The following AGK variants were observed in gnomAD, a reference collection of about 807,000 sequenced individuals.
AGK encodes the protein acylglycerol kinase, mitochondrial.
A neutral mutation model predicts 66.4 loss-of-function variants in AGK; 52 were observed. The ratio of observed to expected loss-of-function variants is 0.78; its 90% confidence interval spans 0.63 to 0.99. AGK has a LOEUF of 0.99. AGK is among the 50% of genes least tolerant of loss of function. The pLI is 0.00. For synonymous variants in AGK, 182 were observed against 181.1 expected (o/e 1.00, Z -0.04); for missense variants, 451 against 506.6 (o/e 0.89, Z 1.05).
intron 13 of AGK, among the ~76,000 whole-genome samples, chr7:141,643,697 G>A (rs1437781591): frequency 2.0e-5 from 3 of 152,112 alleles, no homozygotes; most frequent in African/African-American, 4.8e-5. Flanking sequence ...TTTACTACAT[G>A]TGAGGCACCT....
In AGK at chr7:141,599,259, T is replaced by C. The variant is rs536640667; in HGVS notation, c.222-1946T>C. 6 of 152,266 alleles carry C rather than the reference T, an allele frequency of 3.9e-5. No individual in the cohort carries two copies. The South Asian group carries it at 1.2e-3, about 32-fold the overall frequency. 9.4% of individuals were successfully genotyped at this position (152,266 alleles called of 1,614,324 possible). ...AAAACTACATAAGAGCTTTAAGAAA[T>C]AAGATAACTGTGTGTTTAGCATTAA... On this transcript the variant is annotated intron_variant, in intron 4 of 15. Coordinates refer to ENST00000649286, the MANE Select transcript of AGK (RefSeq NM_018238.4).
chr7:141,637,727 TG>T (rs1407514987), intron 11 of AGK, among the ~76,000 whole-genome samples: 2 of 152,218 alleles, frequency 1.3e-5, no homozygotes, highest in Admixed American at 1.3e-4. Context: ...GTGAGAAGGT[TG>T]GTTCCAATGT....
intron 2 of AGK, among the ~76,000 whole-genome samples, chr7:141,564,898 T>C (rs115157058): frequency 0.034 from 5,149 of 152,124 alleles, 136 homozygotes; most frequent in South Asian, 0.14. Context: ...CCTGGCTAAT[T>C]TTGTATTTAG....
intron 2 of AGK, among the ~76,000 whole-genome samples, chr7:141,578,008 AT>A (rs1462007463): frequency 6.6e-6 from 1 of 151,618 alleles, no homozygotes; most frequent in Non-Finnish European, 1.5e-5. Context: ...TAGAGATGGG[AT>A]TTCACTATGT....
chr7:141,645,392 A>T (rs1797388357), intron 13 of AGK, among the ~76,000 whole-genome samples: 1 of 152,208 alleles, frequency 6.6e-6, no homozygotes, highest in South Asian at 2.1e-4. Context: ...TGAATCAGCA[A>T]CCTAATTAAA....
chr7:141,640,321 G>A (rs147104371), intron 11 of AGK, among the ~76,000 whole-genome samples: 1,742 of 152,200 alleles, frequency 0.011, 18 homozygotes, highest in Non-Finnish European at 0.018. Flanking sequence ...AGCAGTGACC[G>A]TTTGAGACAA....
chr7:141,592,512 A>C (rs1444603677), intron 2 of AGK, among the ~76,000 whole-genome samples: 3 of 152,144 alleles, frequency 2.0e-5, no homozygotes, highest in Non-Finnish European at 4.4e-5. Flanking sequence ...CCTAAGTTGA[A>C]TCATGTCTGT....
At chr7:141,612,094 A>G (rs2116957117) in intron 6 of AGK, among the ~76,000 whole-genome samples, 1 of 152,378 alleles carries the variant, frequency 6.6e-6, no homozygotes, top group Non-Finnish European at 1.5e-5. Context: ...TAGTAGGTGA[A>G]TGAATAAGTA....
At chr7:141,623,450 A>G (rs1796870371) in intron 9 of AGK, among the ~76,000 whole-genome samples, 1 of 151,876 alleles carries the variant, frequency 6.6e-6, no homozygotes, top group African/African-American at 2.4e-5. Flanking sequence ...GCTGATAGGG[A>G]GAAAGTTTTT....
At chr7:141,602,173 T>TTG (rs71172608) in intron 5 of AGK, among the ~76,000 whole-genome samples, 14,804 of 125,270 alleles carry the variant, frequency 0.12, 1,001 homozygotes, top group African/African-American at 0.18. Flanking sequence ...GGAGATTTTC[T>TTG]TGTGTGTGTG....
rs1022569649 is a variant in AGK, at chr7:141,615,555, A to G, written c.508A>G (p.Asn170Asp). ...LSHTLFAESG[N>D]KVQHITDATL... ...TCATACCCTCTTTGCCGAAAGTGGA[A>G]ACAAAGTCCAGTAGGTTGTCAATGT... is the stretch of plus-strand genomic sequence containing the variant. The change falls in exon 8 of 16, where the codon AAC becomes GAC. Residue 170 changes from asparagine to aspartate, a missense_variant. Coordinates refer to ENST00000649286, the MANE Select transcript of AGK (RefSeq NM_018238.4). The G allele has an allele frequency of 8.1e-6, 13 of 1,613,186 alleles. No homozygotes were observed. Among genetic ancestry groups the G allele is most frequent in the Non-Finnish European group, 1.1e-5 (13 of 1,179,282 alleles).
chr7:141,575,058 C>T (rs987784459), intron 2 of AGK, among the ~76,000 whole-genome samples: 4 of 152,242 alleles, frequency 2.6e-5, no homozygotes, highest in African/African-American at 7.2e-5. Flanking sequence ...TTCCTAAACC[C>T]ACTTGCAGGG....
chr7:141,560,611 C>T (rs1296751495), intron 2 of AGK, among the ~76,000 whole-genome samples: 2 of 151,864 alleles, frequency 1.3e-5, no homozygotes, highest in Non-Finnish European at 2.9e-5. Flanking sequence ...TATTCCTCAC[C>T]CCACTCCCAC....
intron 2 of AGK, among the ~76,000 whole-genome samples, chr7:141,560,627 C>T (rs1333808005): frequency 6.6e-6 from 1 of 151,898 alleles, no homozygotes; most frequent in Non-Finnish European, 1.5e-5. Flanking sequence ...CCCACCTTTC[C>T]CCCTGAGTCC....
At position 141,653,835 on chromosome 7, in the gene AGK, C is replaced by CAAAGT. The variant is rs1358621813; in HGVS notation, c.*913_*917dup. The CAAAGT allele has an allele frequency of 6.6e-6, 1 of 152,158 alleles. No individual in the cohort carries two copies. The highest frequency in any genetic ancestry group is 2.4e-5 in the African/African-American group (1 of 41,434). The allele number at this position is 152,158 out of a possible 1,614,324, so 9.4% of individuals were successfully genotyped here. A position where few individuals can be genotyped will look rare whatever the true frequency, so the allele number is the denominator to read the frequency against. ...TTTTCATGGGAAGTTAAATAGTTGA[C>CAAAGT]AAAGTATGTATTTGCTGGTGTCGTG... On this transcript the variant is annotated 3_prime_UTR_variant, in exon 16 of 16. Transcript: ENST00000649286.
chr7:141,608,636 C>A (rs1421195316), intron 5 of AGK, among the ~76,000 whole-genome samples: 1 of 152,080 alleles, frequency 6.6e-6, no homozygotes, highest in Admixed American at 6.5e-5. Flanking sequence ...GGGGGACCCT[C>A]AATGAAATGT....
intron 2 of AGK, among the ~76,000 whole-genome samples, chr7:141,589,685 C>T (rs891284365): frequency 1.3e-5 from 2 of 152,120 alleles, no homozygotes; most frequent in Middle Eastern, 3.2e-3. Context: ...CTCAGCCTCC[C>T]AAGTAGCTGG....
chr7:141,641,541 A>G, intron 12 of AGK, 143 bp downstream of exon 12: 2 of 999,030 alleles, frequency 2.0e-6, no homozygotes, highest in South Asian at 3.4e-5. Context: ...TCTGTGTGCC[A>G]CCAGAGCAGG....
At chr7:141,577,121 G>A (rs1237712518) in intron 2 of AGK, among the ~76,000 whole-genome samples, 2 of 152,118 alleles carry the variant, frequency 1.3e-5, no homozygotes, top group Non-Finnish European at 2.9e-5. Flanking sequence ...CCTCAGCCAG[G>A]GCACTCTAAA....
Sources: allele counts gnomAD v4.1 joint callset (sites outside exome capture counted in the v4.1 genomes callset), GRCh38; gene constraint gnomAD v4.1.1; transcripts MANE v1.5; gene names NCBI Gene and HGNC (gene_info 2026-07-23, HGNC 2026-07-21).